The following HDAC8 variants were observed in gnomAD, a reference collection of about 807,000 sequenced individuals.
HDAC8 encodes histone deacetylase 8.
Under a neutral mutation model 32.2 loss-of-function variants are expected in HDAC8, and 1 was observed. The observed-to-expected ratio is 0.03, with a 90% CI of 0.01 to 0.15. The LOEUF (loss-of-function observed/expected upper bound fraction) is 0.15. Ranked by LOEUF, HDAC8 falls within the 10% of genes least tolerant of loss-of-function variation. The pLI is 1.00. For synonymous variants in HDAC8, 108 were observed against 113.9 expected, an observed-to-expected ratio of 0.95 and a Z score of 0.33; for missense variants, 117 against 300.0, an observed-to-expected ratio of 0.39 and a Z score of 4.51.
chrX:72,432,029 G>C (rs1457712575), intron 9 of HDAC8, among the ~76,000 whole-genome samples: 1 of 111,254 alleles, frequency 9.0e-6, no homozygotes, highest in East Asian at 2.8e-4. Flanking sequence ...GGAGTGCAGC[G>C]GCATGATCAT....
intron 4 of HDAC8, among the ~76,000 whole-genome samples, chrX:72,504,287 C>T (rs1456781738): frequency 8.9e-6 from 1 of 111,930 alleles, no homozygotes. Flanking sequence ...ATTTCCATTA[C>T]CTCAAAAGAA....
intron 4 of HDAC8, among the ~76,000 whole-genome samples, chrX:72,503,952 C>T (rs1233458965): frequency 8.9e-6 from 1 of 111,813 alleles, no homozygotes; most frequent in Non-Finnish European, 1.9e-5. Flanking sequence ...TTTTGTCGAC[C>T]TCAAAAAGAG....
intron 4 of HDAC8, among the ~76,000 whole-genome samples, chrX:72,513,136 C>T (rs2049648968): frequency 9.0e-6 from 1 of 111,257 alleles, no homozygotes; most frequent in African/African-American, 3.3e-5. Context: ...AAGTTGATCC[C>T]TCTTTTTGTG....
At chrX:72,571,857 T>C in intron 2 of HDAC8, 200 bp downstream of exon 2, 1 of 380,151 alleles carries the variant, frequency 2.6e-6, no homozygotes, top group South Asian at 5.8e-5. Context: ...GCGTGAGCCA[T>C]GCTCTCGGCC....
chrX:72,504,524 T>C (rs782278354), intron 4 of HDAC8, among the ~76,000 whole-genome samples: 2 of 111,652 alleles, frequency 1.8e-5, no homozygotes, highest in African/African-American at 6.5e-5. Flanking sequence ...TTTTTAGAGC[T>C]GAATAATATT....
Position 72,417,972 on chromosome X carries a change from CAT to C in HDAC8, c.1005+44030_1005+44031del, listed in dbSNP as rs2046391101. 2.7e-5 allele frequency among the ~76,000 whole-genome samples: 3 copies of C among 111,811 alleles called. No individual in the cohort carries two copies. In the South Asian group the frequency reaches 1.1e-3, roughly 41 times the overall value. On this transcript the variant is annotated intron_variant, in intron 9 of 10. Transcript: ENST00000373573. ...TGACAAAAATAAACAATGGGGAAAG[CAT>C]ATCTTATTCAATAAGTGGTGCTGGG... is the stretch of plus-strand genomic sequence containing the variant.
chrX:72,450,279 A>C (rs1292272420), intron 9 of HDAC8, among the ~76,000 whole-genome samples: 2 of 112,283 alleles, frequency 1.8e-5, no homozygotes, highest in Admixed American at 1.9e-4. Context: ...AGCAGTGGCT[A>C]TAAAAGGGTA....
At chrX:72,402,413 C>CTTT (rs77739404) in intron 9 of HDAC8, among the ~76,000 whole-genome samples, 1 of 68,108 alleles carries the variant, frequency 1.5e-5, no homozygotes, top group Non-Finnish European at 2.5e-5. Flanking sequence ...GTGTTCTTTT[C>CTTT]TTTTTTTTTT....
At chrX:72,455,403 C>T (rs187010923) in intron 9 of HDAC8, among the ~76,000 whole-genome samples, 34 of 111,489 alleles carry the variant, frequency 3.0e-4, no homozygotes, top group African/African-American at 1.0e-3. Flanking sequence ...TGGAGGTATA[C>T]GTAAGGTGCT....
chrX:72,410,745 T>C (rs2046168477), intron 9 of HDAC8, among the ~76,000 whole-genome samples: 1 of 111,773 alleles, frequency 8.9e-6, no homozygotes, highest in Non-Finnish European at 1.9e-5. Context: ...GCCTATATAG[T>C]GGTCTCTTGT....
intron 4 of HDAC8, among the ~76,000 whole-genome samples, chrX:72,563,568 A>G (rs1164499272): frequency 8.9e-6 from 1 of 112,061 alleles, no homozygotes; most frequent in East Asian, 2.8e-4. Flanking sequence ...TAAATAAATA[A>G]AAACAAAAAG....
chrX:72,454,737 A>G (rs2047676409), intron 9 of HDAC8, among the ~76,000 whole-genome samples: 1 of 112,562 alleles, frequency 8.9e-6, no homozygotes, highest in South Asian at 3.6e-4. Context: ...AAGTCATTGC[A>G]GCATGTTATA....
At chrX:72,570,732 A>C (rs2147605070) in intron 2 of HDAC8, among the ~76,000 whole-genome samples, 1 of 111,901 alleles carries the variant, frequency 8.9e-6, no homozygotes, top group East Asian at 2.8e-4. Context: ...AGCATAGCAC[A>C]CTAGTTGGTA....
chrX:72,427,659 G>A (rs1363809282), intron 9 of HDAC8, among the ~76,000 whole-genome samples: 1 of 106,761 alleles, frequency 9.4e-6, no homozygotes, highest in African/African-American at 3.4e-5. Flanking sequence ...ACGAGTTAAT[G>A]TGTGCAGCAC....
In HDAC8 at chrX:72,329,679, C is replaced by A; in HGVS notation, c.*375G>T. ...CCCTGCCTGTCAGCTGCCTCCTGCC[C>A]TACAAACTGGTGACTGCTCTCATCC... On this transcript the variant is annotated 3_prime_UTR_variant, in exon 11 of 11. Transcript: ENST00000373573. The A allele has an allele frequency of 2.5e-6, 3 of 1,188,660 alleles. No individual in the cohort carries two copies. Among genetic ancestry groups the A allele is most frequent in the African/African-American group, 3.5e-5 (2 of 57,189 alleles).
intron 9 of HDAC8, among the ~76,000 whole-genome samples, chrX:72,460,123 G>A (rs1290073626): frequency 2.7e-5 from 3 of 111,587 alleles, no homozygotes; most frequent in Admixed American, 9.5e-5. Flanking sequence ...CAAAGAAGAA[G>A]GAGATAACTT....
chrX:72,463,573 A>G (rs1475543896), intron 8 of HDAC8, among the ~76,000 whole-genome samples: 2 of 112,057 alleles, frequency 1.8e-5, no homozygotes, highest in Admixed American at 9.5e-5. Context: ...TATGTCACAC[A>G]GTACTTATCA....
intron 9 of HDAC8, among the ~76,000 whole-genome samples, chrX:72,374,596 C>T (rs781930298): frequency 4.7e-4 from 52 of 109,610 alleles, no homozygotes; most frequent in Middle Eastern, 4.8e-3. Flanking sequence ...CGCTTGAGCC[C>T]GGGAGGCAGA....
At chrX:72,521,881 G>A (rs782804225) in intron 4 of HDAC8, among the ~76,000 whole-genome samples, 2 of 110,905 alleles carry the variant, frequency 1.8e-5, no homozygotes, top group East Asian at 2.8e-4. Flanking sequence ...AACCACTTGC[G>A]CTCTCATGCT....
Sources: allele counts gnomAD v4.1 joint callset (sites outside exome capture counted in the v4.1 genomes callset), GRCh38; gene constraint gnomAD v4.1.1; transcripts MANE v1.5; gene names NCBI Gene and HGNC (gene_info 2026-07-23, HGNC 2026-07-21).